COLEC12: variants seen among roughly 807,000 people sequenced by gnomAD.
COLEC12 encodes collectin-12.
COLEC12 carries 33 observed loss-of-function variants against 71.1 expected under a neutral mutation model. The ratio of observed to expected loss-of-function variants is 0.46; its 90% CI spans 0.35 to 0.62. The LOEUF is 0.62. Ranked by LOEUF, COLEC12 falls within the 20% of genes least tolerant of loss-of-function variation. The pLI is 0.00. For synonymous variants in COLEC12, 350 were observed against 353.0 expected (o/e 0.99, Z 0.10); for missense variants, 765 against 916.1 (o/e 0.84, Z 2.13).
chr18:391,817 A>ATACTTG (rs1915469653), intron 2 of COLEC12, among the ~76,000 whole-genome samples: 1 of 152,358 alleles, frequency 6.6e-6, no homozygotes, highest in South Asian at 2.1e-4. Context: ...GCAATCTTTA[A>ATACTTG]AACCTAGAGT....
At chr18:441,071 A>AC (rs1339468560) in intron 2 of COLEC12, among the ~76,000 whole-genome samples, 2 of 138,250 alleles carry the variant, frequency 1.4e-5, no homozygotes, top group East Asian at 4.4e-4. Context: ...ACACAGTGAA[A>AC]CCCTGTCTCT....
At chr18:441,194 G>A (rs12964677) in intron 2 of COLEC12, among the ~76,000 whole-genome samples, 1 of 149,772 alleles carries the variant, frequency 6.7e-6, no homozygotes, top group Admixed American at 6.7e-5. Context: ...CTTGCAGTGA[G>A]CCGAGATTGT....
rs1913654357 is a variant in COLEC12, at chr18:319,706, C to T, written c.*339G>A. 9.3e-6 allele frequency: 3 copies of T among 324,082 alleles called. No individual in the cohort carries two copies. In the Admixed American group the frequency reaches 1.5e-4, roughly 17 times the overall value. 20.1% of individuals were successfully genotyped at this position (324,082 alleles called of 1,614,324 possible). On this transcript the variant is annotated 3_prime_UTR_variant, in exon 10 of 10. Coordinates refer to ENST00000400256, the MANE Select transcript of COLEC12 (RefSeq NM_130386.3). ...TTACACAGTATATGCTTAAGTTCTT[C>T]CCATAACTCAACGACCAATGATAAC...
At chr18:497,498 G>C (rs538888844) in intron 1 of COLEC12, among the ~76,000 whole-genome samples, 2 of 151,950 alleles carry the variant, frequency 1.3e-5, no homozygotes, top group Non-Finnish European at 1.5e-5. Flanking sequence ...TCCACCTCCC[G>C]GGTTCAAGCT....
At chr18:489,161 A>G (rs1020659953) in intron 1 of COLEC12, among the ~76,000 whole-genome samples, 2 of 152,264 alleles carry the variant, frequency 1.3e-5, no homozygotes, top group Non-Finnish European at 2.9e-5. Flanking sequence ...CAGATCATTT[A>G]TAAGAATTTT....
chr18:328,446 G>A (rs765018584), intron 8 of COLEC12, among the ~76,000 whole-genome samples: 5 of 152,184 alleles, frequency 3.3e-5, no homozygotes, highest in East Asian at 1.9e-4. Context: ...TGTGGGACTT[G>A]AGTGAGACAC....
chr18:429,542 C>T (rs751588715), intron 2 of COLEC12, among the ~76,000 whole-genome samples: 11 of 151,936 alleles, frequency 7.2e-5, no homozygotes, highest in Admixed American at 4.6e-4. Flanking sequence ...CCACCATGCC[C>T]GGCTAATTTT....
chr18:406,176 C>A (rs928085206), intron 2 of COLEC12, among the ~76,000 whole-genome samples: 1 of 152,064 alleles, frequency 6.6e-6, no homozygotes, highest in African/African-American at 2.4e-5. Flanking sequence ...CATGAATAAT[C>A]CACCCCTTGT....
chr18:441,925 G>C (rs985005390), intron 2 of COLEC12, among the ~76,000 whole-genome samples: 1 of 146,554 alleles, frequency 6.8e-6, no homozygotes, highest in African/African-American at 2.7e-5. Context: ...ACCTCAGCCT[G>C]GGAGCTTGAG....
At chr18:348,208 T>C (rs772461392) in intron 3 of COLEC12, 45 bp from the exon 4 acceptor site, 1 of 1,207,442 alleles carries the variant, frequency 8.3e-7, no homozygotes, top group South Asian at 1.3e-5. Context: ...TCTGCTCATA[T>C]TTTATTTTTC....
intron 7 of COLEC12, among the ~76,000 whole-genome samples, chr18:331,992 G>A (rs568691172): frequency 6.6e-5 from 10 of 152,208 alleles, no homozygotes; most frequent in South Asian, 4.2e-4. Flanking sequence ...AGTTTACAAC[G>A]GATGTTAAAG....
chr18:455,868 T>C (rs1414404218), intron 2 of COLEC12, among the ~76,000 whole-genome samples: 1 of 152,226 alleles, frequency 6.6e-6, no homozygotes, highest in African/African-American at 2.4e-5. Flanking sequence ...GGTGTATATG[T>C]GTCACGTTTT....
chr18:389,962 T>C (rs748845042), intron 2 of COLEC12, among the ~76,000 whole-genome samples: 21 of 152,246 alleles, frequency 1.4e-4, no homozygotes, highest in Non-Finnish European at 2.8e-4. Flanking sequence ...CATCTGTAGC[T>C]TTCTGATGAG....
At chr18:397,962 A>G (rs1289471835) in intron 2 of COLEC12, among the ~76,000 whole-genome samples, 3 of 152,226 alleles carry the variant, frequency 2.0e-5, no homozygotes, top group Non-Finnish European at 4.4e-5. Context: ...GAACTTTTTA[A>G]AAAGGGAAGG....
chr18:443,786 G>A (rs1916592471), intron 2 of COLEC12, among the ~76,000 whole-genome samples: 1 of 152,134 alleles, frequency 6.6e-6, no homozygotes, highest in Non-Finnish European at 1.5e-5. Flanking sequence ...GGTGGGGCCT[G>A]GTAGGAGGTG....
At chr18:431,848 T>C (rs1299719161) in intron 2 of COLEC12, among the ~76,000 whole-genome samples, 1 of 152,188 alleles carries the variant, frequency 6.6e-6, no homozygotes, top group Non-Finnish European at 1.5e-5. Flanking sequence ...TAGCCACTTA[T>C]TGAACTCTTG....
intron 8 of COLEC12, 136 bp from the exon 9 acceptor site, chr18:321,943 C>T: frequency 1.2e-6 from 1 of 823,144 alleles, no homozygotes; most frequent in South Asian, 1.7e-5. Context: ...GTTTAAAAAT[C>T]AGTACATGCT....
chr18:322,193 TACACACAC>T (rs34440882), intron 8 of COLEC12, among the ~76,000 whole-genome samples: 3 of 149,706 alleles, frequency 2.0e-5, no homozygotes, highest in African/African-American at 4.9e-5. Flanking sequence ...GAGGACATGA[TACACACAC>T]ACACACACAC....
At position 453,236 on chromosome 18, in the gene COLEC12, G is replaced by A. The variant is rs114662002; in HGVS notation, c.58+27471C>T. Among the ~76,000 whole-genome samples the A allele has an allele frequency of 6.8e-3, 1,032 of 152,318 alleles. 15 individuals are homozygous for A. The highest frequency in any genetic ancestry group is 0.024 in the African/African-American group (1,008 of 41,570). On this transcript the variant is annotated intron_variant, in intron 2 of 9. Coordinates refer to ENST00000400256, the MANE Select transcript of COLEC12 (RefSeq NM_130386.3). ...CTTGTTCTGGAGATCACCAAAGATAGGAACGTGCTAGGAGACACAAGGACA... is the reference window on the plus strand; with the variant it reads ...CTTGTTCTGGAGATCACCAAAGATAAGAACGTGCTAGGAGACACAAGGACA...
Sources: gnomAD v4.1 joint callset for allele counts (sites outside exome capture counted in the v4.1 genomes callset) on GRCh38, gnomAD v4.1.1 for gene constraint, MANE v1.5 for transcripts, NCBI Gene and HGNC (gene_info 2026-07-23, HGNC 2026-07-21) for gene names.